TCF25: variants seen among roughly 807,000 people sequenced by gnomAD.
TCF25 encodes the protein ribosome quality control complex subunit TCF25.
A neutral mutation model predicts 83.1 loss-of-function variants in TCF25; 41 were observed. That is an observed-to-expected ratio of 0.49 (90% CI 0.38 to 0.64). TCF25 has a LOEUF of 0.64. Ranked by LOEUF, TCF25 falls within the 30% of genes least tolerant of loss-of-function variation. The pLI is 0.00. For synonymous variants in TCF25, 458 were observed against 365.0 expected (o/e 1.25, Z -2.90); for missense variants, 979 against 914.5 (o/e 1.07, Z -0.91).
In TCF25 at chr16:89,900,810, G is replaced by C. The variant is rs537427160; in HGVS notation, c.1381+16G>C. 84 of 1,558,408 alleles carry C rather than the reference G, an allele frequency of 5.4e-5. No individual in the cohort carries two copies. The South Asian group carries it at 9.1e-4, about 17-fold the overall frequency. On this transcript the variant is annotated intron_variant, in intron 12 of 17. Coordinates refer to ENST00000263346, the MANE Select transcript of TCF25 (RefSeq NM_014972.3). The stretch of plus-strand genomic sequence containing the variant: ...TTCCCTGGAGGTGAGTGAGCGCTGT[G>C]TCTCGCCTGGGGTAGGGGTGTGTCC...
At chr16:89,906,036 G>A in intron 14 of TCF25, 158 bp from the exon 15 acceptor site, 1 of 666,518 alleles carries the variant, frequency 1.5e-6, no homozygotes, top group Non-Finnish European at 2.6e-6. Context: ...GACCAGCCAT[G>A]GTGCCTCTGC....
rs1047490686 is a variant in TCF25, at chr16:89,884,547, T to C, written c.355-35T>C. On this transcript the variant is annotated intron_variant, in intron 2 of 17. Transcript: ENST00000263346. ...ATTCTCACTTCTTAAGATTTACTTC[T>C]CATTCTACTGATGAAAATGTGTTTC... 3 of 1,606,372 alleles carry C rather than the reference T, an allele frequency of 1.9e-6. No homozygotes were observed. In the African/African-American group the frequency reaches 4.0e-5, roughly 22 times the overall value.
rs762745305 is a variant in TCF25, at chr16:89,873,853, C to T, written c.186C>T (p.Phe62=). Residue 62 remains phenylalanine (F), a synonymous_variant, in exon 1 of 18, where the codon TTC becomes TTT. Coordinates refer to ENST00000263346, the MANE Select transcript of TCF25 (RefSeq NM_014972.3). ...GKEGVRVNNR[F]ELINIDDLED... ...AGGGCGTCCGAGTCAACAACCGCTT[C>T]GAGCTGGTGAGGAGCGCGGCGGCCC... is the stretch of plus-strand genomic sequence containing the variant. 3 of 1,507,214 alleles carry T rather than the reference C, an allele frequency of 2.0e-6. No individual in the cohort carries two copies. In the South Asian group the frequency reaches 3.6e-5, roughly 18 times the overall value. The allele number at this position is 1,507,214 out of a possible 1,614,324, so 93.4% of individuals were successfully genotyped here. A position where few individuals can be genotyped will look rare whatever the true frequency, so the allele number is the denominator to read the frequency against.
At chr16:89,889,104 A>AG (rs937321236) in intron 5 of TCF25, 17 of 280,350 alleles carry the variant, frequency 6.1e-5, no homozygotes, top group Non-Finnish European at 8.2e-5. Flanking sequence ...GAGGAAGAGC[A>AG]GGGGGGGTGT....
chr16:89,893,683 G>A (rs1266720673), intron 6 of TCF25, 45 bp from the exon 7 acceptor site: 1 of 1,612,166 alleles, frequency 6.2e-7, no homozygotes, highest in South Asian at 1.1e-5. Context: ...AGCTGCCCAC[G>A]TCCCTGCTCC....
intron 8 of TCF25, 26 bp downstream of exon 8, chr16:89,895,163 C>T (rs1207848510): frequency 1.2e-6 from 2 of 1,603,260 alleles, no homozygotes; most frequent in Non-Finnish European, 1.7e-6. Flanking sequence ...CACCCCATTC[C>T]CCTCAGCTGT....
chr16:89,876,723 C>A (rs113272599), intron 1 of TCF25, among the ~76,000 whole-genome samples: 1 of 151,714 alleles, frequency 6.6e-6, no homozygotes, highest in African/African-American at 2.4e-5. Context: ...TCAGGAGATC[C>A]AGACCATCCT....
At chr16:89,903,560 C>G (rs2044521438) in intron 12 of TCF25, among the ~76,000 whole-genome samples, 1 of 152,180 alleles carries the variant, frequency 6.6e-6, no homozygotes, top group Non-Finnish European at 1.5e-5. Flanking sequence ...AATCCCAGCA[C>G]TTTCGGAGGC....
intron 6 of TCF25, among the ~76,000 whole-genome samples, chr16:89,892,962 G>A (rs1006197625): frequency 1.3e-5 from 2 of 152,242 alleles, no homozygotes; most frequent in African/African-American, 2.4e-5. Context: ...TGGGGGTGCC[G>A]GAGATTGCCT....
At chr16:89,910,487 G>C in intron 16 of TCF25, 104 bp from the exon 17 acceptor site, 1 of 1,213,646 alleles carries the variant, frequency 8.2e-7, no homozygotes, top group Non-Finnish European at 1.2e-6. Context: ...CGGCCCCTCC[G>C]TGTCCCTGCG....
At chr16:89,878,434 A>ATTTTTTTTTTT (rs34120033) in intron 1 of TCF25, 2 of 1,006,192 alleles carry the variant, frequency 2.0e-6, no homozygotes, top group Non-Finnish European at 1.2e-6. Flanking sequence ...AAAAATCACC[A>ATTTTTTTTTTT]TTTTTTTTTT....
intron 11 of TCF25, 70 bp from the exon 12 acceptor site, chr16:89,900,565 G>C (rs1597358120): frequency 6.7e-7 from 1 of 1,492,008 alleles, no homozygotes. Flanking sequence ...TGATGTCAGA[G>C]CGTCTGCAAA....
chr16:89,879,073 C>G (rs923508773), intron 1 of TCF25, among the ~76,000 whole-genome samples: 2 of 152,222 alleles, frequency 1.3e-5, no homozygotes, highest in Non-Finnish European at 2.9e-5. Context: ...CCCGTGCTGT[C>G]TGTGTACACA....
intron 15 of TCF25, 59 bp downstream of exon 15, chr16:89,906,343 C>T (rs755496414): frequency 1.9e-5 from 29 of 1,550,466 alleles, no homozygotes; most frequent in African/African-American, 2.7e-5. Context: ...CACGTCCCTT[C>T]TGCTCCGGGC....
At chr16:89,883,127 G>T (rs1009411588) in intron 1 of TCF25, among the ~76,000 whole-genome samples, 1 of 151,706 alleles carries the variant, frequency 6.6e-6, no homozygotes, top group African/African-American at 2.4e-5. Flanking sequence ...CCATAGCCTC[G>T]GGGCCCCGGC....
rs368319555 is a variant in TCF25, at chr16:89,894,415, C to T, written c.828+557C>T. On this transcript the variant is annotated intron_variant, in intron 7 of 17. Coordinates refer to ENST00000263346, the MANE Select transcript of TCF25 (RefSeq NM_014972.3). The stretch of plus-strand genomic sequence containing the variant: ...CCCCCGGGCGGCCCTCACGCAGCCG[C>T]CGGACAGCTCCCCTTGCAACCCCGG... 9.2e-5 allele frequency among the ~76,000 whole-genome samples: 14 copies of T among 152,050 alleles called. No individual in the cohort carries two copies. The East Asian group carries it at 9.7e-4, about 10-fold the overall frequency.
rs191542864 is a variant in TCF25 at position 89,876,988 on chromosome 16, G to C, written c.192+3129G>C. On this transcript the variant is annotated intron_variant, in intron 1 of 17. Coordinates refer to ENST00000263346, the MANE Select transcript of TCF25 (RefSeq NM_014972.3). ...ATGGTGGTGGGTGCCTGTAATCCCAGCTACTTGGGAGGCTGAGGCAGGAGA... is the reference window on the plus strand; with the variant it reads ...ATGGTGGTGGGTGCCTGTAATCCCACCTACTTGGGAGGCTGAGGCAGGAGA... Among the ~76,000 whole-genome samples the C allele has an allele frequency of 4.1e-3, 617 of 149,580 alleles. 6 individuals are homozygous for C. Among genetic ancestry groups the C allele is most frequent in the African/African-American group, 0.015 (595 of 40,292 alleles).
chr16:89,890,900 C>T (rs2043377248), intron 5 of TCF25, among the ~76,000 whole-genome samples: 1 of 152,082 alleles, frequency 6.6e-6, no homozygotes, highest in Non-Finnish European at 1.5e-5. Flanking sequence ...TACCAAAAGA[C>T]TTACATGGAG....
At chr16:89,884,456 C>G in intron 2 of TCF25, 126 bp from the exon 3 acceptor site, 1 of 922,012 alleles carries the variant, frequency 1.1e-6, no homozygotes, top group Non-Finnish European at 1.7e-6. Flanking sequence ...GTTGAAGGAA[C>G]TTTTGGGACA....
Sources: allele counts gnomAD v4.1 joint callset (sites outside exome capture counted in the v4.1 genomes callset), GRCh38; gene constraint gnomAD v4.1.1; transcripts MANE v1.5; gene names NCBI Gene and HGNC (gene_info 2026-07-23, HGNC 2026-07-21).